The following PDSS2 variants were observed in gnomAD, a reference collection of about 807,000 sequenced individuals.
The protein encoded by PDSS2 is all trans-polyprenyl-diphosphate synthase PDSS2.
Under a neutral mutation model 44.5 loss-of-function variants are expected in PDSS2, and 31 were observed. That is an observed-to-expected ratio of 0.70 (90% CI 0.52 to 0.94). The LOEUF (loss-of-function observed/expected upper bound fraction) is 0.94. PDSS2 is among the 40% of genes least tolerant of loss of function. The pLI is 0.00. For synonymous variants in PDSS2, 157 were observed against 180.3 expected (o/e 0.87, Z 1.03); for missense variants, 452 against 482.2 (o/e 0.94, Z 0.59).
Position 107,202,388 on chromosome 6 carries a change from A to C in PDSS2, c.1008+8051T>G, listed in dbSNP as rs548941907. Among the ~76,000 whole-genome samples, 39 of 152,176 alleles carry C rather than the reference A, an allele frequency of 2.6e-4. 1 individual carries two copies. The highest frequency in any genetic ancestry group is 3.4e-4 in the African/African-American group (14 of 41,564). ...TCAGGCTGGCCATCTCTGCAAAAAA[A>C]AAACAAACAAAACAAAACAAAACAA... On this transcript the variant is annotated intron_variant, in intron 6 of 7. Coordinates refer to ENST00000369037, the MANE Select transcript of PDSS2 (RefSeq NM_020381.4).
intron 1 of PDSS2, among the ~76,000 whole-genome samples, chr6:107,389,231 T>TA (rs1429586265): frequency 1.3e-5 from 2 of 152,090 alleles, no homozygotes; most frequent in Non-Finnish European, 2.9e-5. Context: ...ATAAAAAGTT[T>TA]AAAAAATCAG....
At chr6:107,381,481 T>G (rs951507453) in intron 1 of PDSS2, among the ~76,000 whole-genome samples, 7 of 152,226 alleles carry the variant, frequency 4.6e-5, no homozygotes, top group African/African-American at 1.7e-4. Context: ...GCTGCTTATG[T>G]TTACTTACTG....
At chr6:107,200,876 G>C (rs1299251528) in intron 6 of PDSS2, among the ~76,000 whole-genome samples, 1 of 152,016 alleles carries the variant, frequency 6.6e-6, no homozygotes, top group Non-Finnish European at 1.5e-5. Context: ...GTGTTAGCCA[G>C]GTAGTCTCAA....
intron 7 of PDSS2, among the ~76,000 whole-genome samples, chr6:107,166,080 T>C (rs1373813459): frequency 4.0e-5 from 6 of 151,790 alleles, no homozygotes; most frequent in African/African-American, 9.7e-5. Flanking sequence ...GACGATGGGG[T>C]TTTCTAAATA....
chr6:107,366,016 AAG>A (rs1245233324), intron 1 of PDSS2, among the ~76,000 whole-genome samples: 1 of 152,292 alleles, frequency 6.6e-6, no homozygotes, highest in East Asian at 1.9e-4. Context: ...AACAATATAG[AAG>A]ACTTTAACAA....
chr6:107,356,863 T>TA (rs1019867211), intron 1 of PDSS2, among the ~76,000 whole-genome samples: 1 of 152,218 alleles, frequency 6.6e-6, no homozygotes, highest in African/African-American at 2.4e-5. Context: ...TACAGGCTAC[T>TA]AAAATTTCCG....
chr6:107,335,014 T>C (rs1245238672), intron 1 of PDSS2, among the ~76,000 whole-genome samples: 3 of 151,836 alleles, frequency 2.0e-5, no homozygotes, highest in African/African-American at 4.8e-5. Flanking sequence ...AAGCTGGGCA[T>C]GGTGGCATGT....
At chr6:107,290,599 T>C (rs893881818) in intron 2 of PDSS2, among the ~76,000 whole-genome samples, 3 of 152,164 alleles carry the variant, frequency 2.0e-5, no homozygotes, top group African/African-American at 7.2e-5. Flanking sequence ...ACTAGCTTCT[T>C]TGTTATTCCT....
intron 3 of PDSS2, among the ~76,000 whole-genome samples, chr6:107,254,348 T>C (rs150422998): frequency 0.014 from 2,139 of 152,148 alleles, 54 homozygotes; most frequent in African/African-American, 0.049. Context: ...TAATTTTTTT[T>C]AAAGATAAAA....
intron 1 of PDSS2, among the ~76,000 whole-genome samples, chr6:107,344,762 A>C (rs1403758616): frequency 1.3e-5 from 2 of 152,154 alleles, no homozygotes; most frequent in African/African-American, 4.8e-5. Context: ...CTGAAATATA[A>C]CTGAAATTAA....
chr6:107,398,732 C>A (rs1230530931), intron 1 of PDSS2, among the ~76,000 whole-genome samples: 4 of 152,218 alleles, frequency 2.6e-5, no homozygotes, highest in African/African-American at 9.6e-5. Flanking sequence ...GTCAAACCAG[C>A]CCATACAACT....
At chr6:107,174,730 T>C (rs1254513868) in intron 7 of PDSS2, among the ~76,000 whole-genome samples, 2 of 152,168 alleles carry the variant, frequency 1.3e-5, no homozygotes, top group Non-Finnish European at 2.9e-5. Context: ...TAATTAAACA[T>C]CTTAATCTGA....
At chr6:107,301,354 C>CT (rs1341464140) in intron 2 of PDSS2, among the ~76,000 whole-genome samples, 1 of 152,134 alleles carries the variant, frequency 6.6e-6, no homozygotes, top group African/African-American at 2.4e-5. Context: ...GGTGAATAAA[C>CT]TATGTATTTC....
chr6:107,209,982 C>G (rs192534495), intron 6 of PDSS2, among the ~76,000 whole-genome samples: 11 of 152,024 alleles, frequency 7.2e-5, no homozygotes, highest in Admixed American at 6.6e-4. Context: ...TTTTCCCCCC[C>G]GCTTTGATAA....
intron 1 of PDSS2, among the ~76,000 whole-genome samples, chr6:107,363,700 T>C (rs888556514): frequency 6.6e-6 from 1 of 152,220 alleles, no homozygotes; most frequent in Non-Finnish European, 1.5e-5. Flanking sequence ...AGCCTGCTTT[T>C]ATTCTCTTAT....
intron 2 of PDSS2, among the ~76,000 whole-genome samples, chr6:107,326,016 G>A (rs536310866): frequency 4.7e-4 from 71 of 152,134 alleles, no homozygotes; most frequent in Non-Finnish European, 8.2e-4. Flanking sequence ...TGATCAAATA[G>A]TCATTGCTAT....
chr6:107,185,399 A>T (rs1772133212), intron 7 of PDSS2, among the ~76,000 whole-genome samples: 1 of 152,196 alleles, frequency 6.6e-6, no homozygotes, highest in Admixed American at 6.5e-5. Context: ...ATTAAAAAGA[A>T]ACTGGGAAAA....
chr6:107,283,981 G>A (rs1582890589), intron 2 of PDSS2, among the ~76,000 whole-genome samples: 4 of 151,760 alleles, frequency 2.6e-5, no homozygotes, highest in Admixed American at 2.6e-4. Context: ...AGCCTAGATG[G>A]TGCCATTGCA....
At position 107,343,594 on chromosome 6, in the gene PDSS2, C is replaced by T. The variant is rs1778146918; in HGVS notation, c.297-9262G>A. ...ATTTAGTGTTGCAACAAAACATTAA[C>T]GTTTACTTAATGACATGGGAAAATA... On this transcript the variant is annotated intron_variant, in intron 1 of 7. Transcript: ENST00000369037. Among the ~76,000 whole-genome samples the T allele has an allele frequency of 3.9e-5, 6 of 152,148 alleles. No individual in the cohort carries two copies. The South Asian group carries it at 8.3e-4, about 21-fold the overall frequency.
Sources: allele counts gnomAD v4.1 joint callset (sites outside exome capture counted in the v4.1 genomes callset), GRCh38; gene constraint gnomAD v4.1.1; transcripts MANE v1.5; gene names NCBI Gene and HGNC (gene_info 2026-07-23, HGNC 2026-07-21).